Variants in RPS6KA2 observed in about 807,000 individuals in gnomAD.
RPS6KA2 encodes ribosomal protein S6 kinase A2, also known as ribosomal protein S6 kinase alpha-2.
Under a neutral mutation model 91.8 loss-of-function variants are expected in RPS6KA2, and 42 were observed. The observed-to-expected ratio is 0.46, with a 90% CI of 0.36 to 0.59. The LOEUF (loss-of-function observed/expected upper bound fraction) is 0.59. RPS6KA2 is among the 20% of genes least tolerant of loss of function. The pLI is 0.00. For synonymous variants in RPS6KA2, 414 were observed against 393.6 expected, an observed-to-expected ratio of 1.05 and a Z score of -0.61; for missense variants, 798 against 978.5, an observed-to-expected ratio of 0.82 and a Z score of 2.46.
At chr6:166,644,105 C>A (rs1787531549) in intron 2 of RPS6KA2, among the ~76,000 whole-genome samples, 1 of 152,198 alleles carries the variant, frequency 6.6e-6, no homozygotes, top group African/African-American at 2.4e-5. Context: ...TAACTTGTGA[C>A]AATTGGTTCC....
chr6:166,613,084 C>T (rs1020474242), intron 1 of RPS6KA2, among the ~76,000 whole-genome samples: 3 of 152,178 alleles, frequency 2.0e-5, no homozygotes, highest in East Asian at 3.8e-4. Flanking sequence ...GTTAAAAGCA[C>T]GTGTCTGAAT....
At position 166,521,767 on chromosome 6, in the gene RPS6KA2, G is replaced by C. The variant is rs564749192; in HGVS notation, c.298+9465C>G. ...GTGGGAATGAAGCGGAGGCTATGGA[G>C]ATGGGATGAATGTGGGAAAGATATG... On this transcript the variant is annotated intron_variant, in intron 3 of 20. Coordinates refer to ENST00000265678, the MANE Select transcript of RPS6KA2 (RefSeq NM_021135.6). Among the ~76,000 whole-genome samples, 7 of 152,360 alleles carry C rather than the reference G, an allele frequency of 4.6e-5. 1 individual carries two copies. The highest frequency in any genetic ancestry group is 1.3e-4 in the Admixed American group (2 of 15,304).
At chr6:166,739,154 T>G (rs1011837910) in intron 2 of RPS6KA2, among the ~76,000 whole-genome samples, 1 of 152,220 alleles carries the variant, frequency 6.6e-6, no homozygotes, top group Non-Finnish European at 1.5e-5. Flanking sequence ...CATGACAAGC[T>G]AAGTATCTGC....
chr6:166,440,936 G>A (rs61129869), intron 14 of RPS6KA2, among the ~76,000 whole-genome samples: 8,282 of 152,266 alleles, frequency 0.054, 732 homozygotes, highest in African/African-American at 0.19. Context: ...TGTGTGTTTC[G>A]AGGAGATACA....
chr6:166,853,352 TA>T (rs1462587088), intron 2 of RPS6KA2, among the ~76,000 whole-genome samples: 6 of 152,352 alleles, frequency 3.9e-5, no homozygotes, highest in African/African-American at 1.4e-4. Context: ...AAAACTCACC[TA>T]AAAATCATCT....
chr6:166,666,326 C>A lies in RPS6KA2; in HGVS notation c.124-127542G>T, dbSNP rs1583000515. On this transcript the variant is annotated intron_variant, in intron 2 of 21. Transcript: ENST00000503859. This position sits in a 1 kb window ranked among gnomAD's most constrained non-coding sequence, Gnocchi z 4.0. ...TGTGTAAACCCATCCATCTTCCTAG[C>A]GCATCAATAATAATGTTCCACTAGC... is the stretch of plus-strand genomic sequence containing the variant. Among the ~76,000 whole-genome samples the A allele has an allele frequency of 6.6e-6, 1 of 152,276 alleles. No homozygotes were observed. Among genetic ancestry groups the A allele is most frequent in the Admixed American group, 6.5e-5 (1 of 15,298 alleles).
intron 2 of RPS6KA2, among the ~76,000 whole-genome samples, chr6:166,633,581 T>C (rs1787147235): frequency 6.6e-6 from 1 of 152,262 alleles, no homozygotes; most frequent in African/African-American, 2.4e-5. Context: ...AGGCATTCGT[T>C]ATTCACTCGG....
rs1784390039 is a variant in RPS6KA2, at chr6:166,563,064, C to G, written c.100-24280G>C. On this transcript the variant is annotated intron_variant, in intron 1 of 20. Transcript: ENST00000265678. The surrounding 1 kb of genome is among the most constrained non-coding windows in gnomAD (Gnocchi z 4.1). ...CAGAGGGTCCTGAGTGTGGGAAACACAAGCTCTTCTAGCTTTTAGTCCTTG... is the reference window on the plus strand; with the variant it reads ...CAGAGGGTCCTGAGTGTGGGAAACAGAAGCTCTTCTAGCTTTTAGTCCTTG... Among the ~76,000 whole-genome samples the G allele has an allele frequency of 6.6e-6, 1 of 152,346 alleles. No homozygotes were observed. The highest frequency in any genetic ancestry group is 6.5e-5 in the Admixed American group (1 of 15,302).
chr6:166,790,028 T>C (rs1413388789), intron 2 of RPS6KA2, among the ~76,000 whole-genome samples: 5 of 151,932 alleles, frequency 3.3e-5, no homozygotes. Flanking sequence ...CTTTGACGAG[T>C]TGAGAGAAGA....
At chr6:166,477,124 T>C (rs2128468040) in intron 10 of RPS6KA2, among the ~76,000 whole-genome samples, 1 of 152,272 alleles carries the variant, frequency 6.6e-6, no homozygotes, top group South Asian at 2.1e-4. Context: ...CGCAGGCAAC[T>C]AAATCCAGCG....
At chr6:166,567,131 G>A (rs960289394) in intron 1 of RPS6KA2, among the ~76,000 whole-genome samples, 7 of 152,118 alleles carry the variant, frequency 4.6e-5, no homozygotes, top group African/African-American at 7.2e-5. Flanking sequence ...AGAGGCCTTC[G>A]CTGCCCTTCC....
chr6:166,795,493 C>T (rs1225322267), intron 2 of RPS6KA2, among the ~76,000 whole-genome samples: 1 of 152,212 alleles, frequency 6.6e-6, no homozygotes, highest in Non-Finnish European at 1.5e-5. Flanking sequence ...TCTTCTTGAA[C>T]CTGACAGCCG....
At chr6:166,502,249 A>G (rs1443185803) in intron 6 of RPS6KA2, among the ~76,000 whole-genome samples, 1 of 152,262 alleles carries the variant, frequency 6.6e-6, no homozygotes, top group Non-Finnish European at 1.5e-5. Flanking sequence ...TCTGCCACAG[A>G]GTTAAAAAAA....
At chr6:166,649,940 G>A (rs1004344422) in intron 2 of RPS6KA2, among the ~76,000 whole-genome samples, 11 of 152,270 alleles carry the variant, frequency 7.2e-5, no homozygotes, top group East Asian at 1.9e-4. Flanking sequence ...ACATGATCTC[G>A]ATAAGTAGTG....
chr6:166,472,722 G>T (rs1369022493), intron 10 of RPS6KA2, among the ~76,000 whole-genome samples: 1 of 152,172 alleles, frequency 6.6e-6, no homozygotes, highest in Non-Finnish European at 1.5e-5. Context: ...GGTGAGTGGA[G>T]TTCTGGGCGG....
rs192270375 is a variant in RPS6KA2 at position 166,455,889 on chromosome 6, T to C, written c.1075+3560A>G. ...AGAAATCTTCAAACCTGGAGGCACT[T>C]TGATGTCTTCCCTTAGGGATTTAGA... On this transcript the variant is annotated intron_variant, in intron 12 of 20. Coordinates refer to ENST00000265678, the MANE Select transcript of RPS6KA2 (RefSeq NM_021135.6). 2.0e-5 allele frequency among the ~76,000 whole-genome samples: 3 copies of C among 152,344 alleles called. No homozygotes were observed. In the East Asian group the frequency reaches 5.8e-4, roughly 29 times the overall value.
chr6:166,699,940 CT>C (rs1473626455), intron 2 of RPS6KA2, among the ~76,000 whole-genome samples: 4 of 152,176 alleles, frequency 2.6e-5, no homozygotes, highest in African/African-American at 9.7e-5. Flanking sequence ...GAAATGTAGC[CT>C]TTTGTTGCCT....
At chr6:166,581,556 CGA>C (rs899097894) in intron 1 of RPS6KA2, among the ~76,000 whole-genome samples, 86 of 152,264 alleles carry the variant, frequency 5.6e-4, no homozygotes, top group African/African-American at 2.0e-3. Flanking sequence ...TTGAGGCCAC[CGA>C]GAGGCCGGCT....
intron 1 of RPS6KA2, among the ~76,000 whole-genome samples, chr6:166,618,416 G>C (rs1408606715): frequency 6.6e-6 from 1 of 152,190 alleles, no homozygotes; most frequent in Admixed American, 6.5e-5. Context: ...CAAAGCAGGA[G>C]GCCTGGGTGT....
Sources: gnomAD v4.1 joint callset for allele counts (sites outside exome capture counted in the v4.1 genomes callset) on GRCh38, gnomAD v4.1.1 for gene constraint, Gnocchi (gnomAD v3.1) non-coding constraint, MANE v1.5 for transcripts, NCBI Gene and HGNC (gene_info 2026-07-23, HGNC 2026-07-21) for gene names.